The following POLG variants were observed in gnomAD, a reference collection of about 807,000 sequenced individuals.
POLG encodes the protein DNA polymerase gamma, catalytic subunit.
In POLG, 110 loss-of-function variants were observed where a neutral mutation model predicts 155.4. The observed-to-expected ratio is 0.71, with a 90% CI of 0.61 to 0.83. The LOEUF (loss-of-function observed/expected upper bound fraction) is 0.83, where lower values mean the gene tolerates loss of function less well. POLG is among the 40% of genes least tolerant of loss of function. The probability of loss-of-function intolerance (pLI) is 0.00; values close to 1 mark genes in which losing one functional copy is unlikely to be tolerated. For synonymous variants in POLG, 701 were observed against 631.5 expected (o/e 1.11, Z -1.65); for missense variants, 1,685 against 1,627.5 (o/e 1.04, Z -0.61).
chr15:89,323,260 A>AAACTGTC, intron 13 of POLG, 144 bp downstream of exon 13: 1 of 688,064 alleles, frequency 1.5e-6, no homozygotes, highest in Non-Finnish European at 2.7e-6. Context: ...GAGAGATGAC[A>AAACTGTC]GTATGTGCCT....
intron 6 of POLG, 134 bp from the exon 7 acceptor site, chr15:89,327,483 C>T: frequency 5.1e-6 from 4 of 778,046 alleles, no homozygotes; most frequent in Non-Finnish European, 8.7e-6. Context: ...CATTAAATCC[C>T]AGCTCTACTG....
At chr15:89,324,273 C>T (rs1393908135) in intron 10 of POLG, 46 bp from the exon 11 acceptor site, 2 of 1,603,878 alleles carry the variant, frequency 1.2e-6, no homozygotes, top group Non-Finnish European at 1.7e-6. Flanking sequence ...TACCAGATGC[C>T]CACTCTGGGC....
rs1057522857 is a variant in POLG at position 89,330,213 on chromosome 15, C to T, written c.723G>A (p.Pro241=). 4 of 1,613,588 alleles carry T rather than the reference C, an allele frequency of 2.5e-6. No individual in the cohort carries two copies. The highest frequency in any genetic ancestry group is 2.2e-5 in the East Asian group (1 of 44,886). ...GGACCTCCAGGGGGATGAGGTCAGC[C>T]GGCGACAGCTGGCTGGTCCAAGAGT... ...ERYSWTSQLS[P]ADLIPLEVPT... is the part of the protein sequence containing the mutation. The change falls in exon 3 of 23, where the codon CCG becomes CCA. Residue 241 remains proline (P), a synonymous_variant. Coordinates refer to ENST00000268124, the MANE Select transcript of POLG (RefSeq NM_002693.3).
Position 89,326,602 on chromosome 15 carries a change from C to T in POLG, c.1712+10G>A, listed in dbSNP as rs55962804. 6.6e-4 allele frequency: 1,065 copies of T among 1,613,092 alleles called. 6 individuals carry two copies. The East Asian group carries it at 0.021, about 32-fold the overall frequency. On this transcript the variant is annotated intron_variant, in intron 9 of 22. Transcript: ENST00000268124. Reference sequence around the variant, plus strand: ...CTCTAGATACACTGCTGGGGGTGGGCAGGGCTCACCCAGGGTGTCCAGGAA... The same window carrying T: ...CTCTAGATACACTGCTGGGGGTGGGTAGGGCTCACCCAGGGTGTCCAGGAA...
In POLG at chr15:89,327,156, G is replaced by T. The variant is rs2055533348; in HGVS notation, c.1433+11C>A. On this transcript the variant is annotated intron_variant, in intron 7 of 22. Transcript: ENST00000268124. Reference sequence around the variant, plus strand: ...CCCTGCCTAGATCCTGCCCACCCAAGGCCTGGCTACCTCTCTCCTGAGAGC... The same window carrying T: ...CCCTGCCTAGATCCTGCCCACCCAATGCCTGGCTACCTCTCTCCTGAGAGC... 2 of 1,614,086 alleles carry T rather than the reference G, an allele frequency of 1.2e-6. No individual in the cohort carries two copies. Among genetic ancestry groups the T allele is most frequent in the Non-Finnish European group, 1.7e-6 (2 of 1,180,034 alleles).
chr15:89,333,829 T>C lies in POLG; in HGVS notation c.-75A>G, dbSNP rs2055633672. The C allele has an allele frequency of 3.3e-6, 5 of 1,501,538 alleles. No homozygotes were observed. The South Asian group carries it at 4.8e-5, about 14-fold the overall frequency. 93.0% of individuals were successfully genotyped at this position (1,501,538 alleles called of 1,614,324 possible). On this transcript the variant is annotated 5_prime_UTR_variant, in exon 2 of 23. Coordinates refer to ENST00000268124, the MANE Select transcript of POLG (RefSeq NM_002693.3). Reference sequence around the variant, plus strand: ...CTCCAGCTTGGCTTCTTTTACTGGCTGGAAGACGTGGAGAGAGACACGTCC... The same window carrying C: ...CTCCAGCTTGGCTTCTTTTACTGGCCGGAAGACGTGGAGAGAGACACGTCC...
At position 89,325,678 on chromosome 15, in the gene POLG, C is replaced by T. The variant is rs764287987; in HGVS notation, c.1721G>A (p.Arg574Gln). The change falls in exon 10 of 23, where the codon CGG (arginine) becomes CAG (glutamine). Residue 574 changes from arginine (R) to glutamine (Q), a missense_variant. Arg to Gln is a conservative substitution (Grantham distance 43). Coordinates refer to ENST00000268124, the MANE Select transcript of POLG (RefSeq NM_002693.3). ...QHLPGHPGWY[R>Q]KLCPRLDDPA... ...GTCGTCTAGCCGGGGGCAGAGCTTCCGGTACCATCTACGTCCCAGCAGGAA... is the reference window on the plus strand; with the variant it reads ...GTCGTCTAGCCGGGGGCAGAGCTTCTGGTACCATCTACGTCCCAGCAGGAA... 3.7e-5 allele frequency: 60 copies of T among 1,606,282 alleles called. No individual in the cohort carries two copies. Among genetic ancestry groups the T allele is most frequent in the Middle Eastern group, 1.6e-4 (1 of 6,084 alleles).
Position 89,322,727 on chromosome 15 carries a change from C to T in POLG, c.2426+15G>A. 2 of 1,613,434 alleles carry T rather than the reference C, an allele frequency of 1.2e-6. No homozygotes were observed. The highest frequency in any genetic ancestry group is 1.7e-6 in the Non-Finnish European group (2 of 1,179,718). ...AGGGGAAAGGCATCCCAGGACTCCT[C>T]CCATGGTGGCCCACCTGATACGTTT... On this transcript the variant is annotated intron_variant, in intron 14 of 22. Transcript: ENST00000268124.
rs200399546 is a variant in POLG, at chr15:89,327,326, G to T, written c.1274C>A (p.Ala425Asp). The change falls in exon 7 of 23, where the codon GCC (alanine) becomes GAC (aspartate). Residue 425 changes from alanine (A) to aspartate (D), a missense_variant. Ala to Asp is a moderately radical substitution (Grantham distance 126). Transcript: ENST00000268124. The stretch of plus-strand genomic sequence containing the variant: ...GGAGACACCCATCTCCAGCATGCCG[G>T]CCAGAGTCACTGGGTGGGGACACCT... ...LERCPHPVTL[A>D]GMLEMGVSYL... 3.7e-6 allele frequency: 6 copies of T among 1,613,818 alleles called. No individual in the cohort carries two copies. The Admixed American group carries it at 1.0e-4, about 27-fold the overall frequency.
At position 89,333,491 on chromosome 15, in the gene POLG, G is replaced by C. The variant is rs144439703; in HGVS notation, c.264C>G (p.Phe88Leu). Residue 88 changes from phenylalanine (F) to leucine (L), a missense_variant, in exon 2 of 23, where the codon TTC (phenylalanine) becomes TTG (leucine). This residue lies in a region of POLG where 1,210 missense variants were observed against 1,167.1 expected (regional missense o/e 1.04). Coordinates refer to ENST00000268124, the MANE Select transcript of POLG (RefSeq NM_002693.3). Reference sequence around the variant, plus strand: ...CGCCAGGCATCTCCCCTCCTTGCCCGAAGATTTGCTCGTGCAGCCCTCTCG... The same window carrying C: ...CGCCAGGCATCTCCCCTCCTTGCCCCAAGATTTGCTCGTGCAGCCCTCTCG... ...MLSRGLHEQI[F>L]GQGGEMPGEA... 20 of 1,612,662 alleles carry C rather than the reference G, an allele frequency of 1.2e-5. No homozygotes were observed. In the Admixed American group the frequency reaches 1.7e-4, roughly 13 times the overall value.
rs768181578 is a variant in POLG, at chr15:89,325,167, TGA to T, written c.1949+281_1949+282del. ...GAGAGTGAGTGAGTGAGTGAGTGAGTGAGAGAGTGAGAGAGTGAGTGAGTGAG... is the reference window on the plus strand; with the variant it reads ...GAGAGTGAGTGAGTGAGTGAGTGAGTGAGAGTGAGAGAGTGAGTGAGTGAG... On this transcript the variant is annotated intron_variant, in intron 10 of 22. Coordinates refer to ENST00000268124, the MANE Select transcript of POLG (RefSeq NM_002693.3). Among the ~76,000 whole-genome samples the T allele has an allele frequency of 2.9e-3, 110 of 38,528 alleles. 13 individuals carry two copies. The highest frequency in any genetic ancestry group is 0.021 in the Middle Eastern group (1 of 48). The allele number at this position is 38,528 out of a possible 152,430, so 25.3% of individuals were successfully genotyped here. A position where few individuals can be genotyped will look rare whatever the true frequency, so the allele number is the denominator to read the frequency against.
chr15:89,325,140 G>A (rs1462752973), intron 10 of POLG, among the ~76,000 whole-genome samples: 4 of 66,130 alleles, frequency 6.0e-5, no homozygotes, highest in African/African-American at 1.2e-4. Flanking sequence ...GAGAGTGAGT[G>A]AGAGAGTGAG....
At chr15:89,334,601 C>T (rs2055647293) in intron 1 of POLG, 72 bp downstream of exon 1, 1 of 152,312 alleles carries the variant, frequency 6.6e-6, no homozygotes, top group African/African-American at 2.4e-5. Flanking sequence ...GGCCTCGCTC[C>T]CTGACTGGAG....
rs2055575768 is a variant in POLG at position 89,330,181 on chromosome 15, C to T, written c.755G>A (p.Gly252Asp). 6.2e-7 allele frequency: 1 copy of T among 1,613,722 alleles called. No individual in the cohort carries two copies. The change falls in exon 3 of 23, where the codon GGT becomes GAT. Residue 252 changes from glycine (G) to aspartate (D), a missense_variant. Gly to Asp is a moderately conservative substitution (Grantham distance 94). This residue lies in a region of POLG where 1,210 missense variants were observed against 1,167.1 expected (regional missense o/e 1.04). Coordinates refer to ENST00000268124, the MANE Select transcript of POLG (RefSeq NM_002693.3). ...GTCTCTCTGGGTGGGGCTGCTGGCA[C>T]CAGTAGGGACCTCCAGGGGGATGAG... ...ADLIPLEVPTGASSPTQRDWQ... is the reference protein window; with the variant it reads ...ADLIPLEVPTDASSPTQRDWQ...
At position 89,318,664 on chromosome 15, in the gene POLG, A is replaced by C; in HGVS notation, c.3359T>G (p.Phe1120Cys). 2 of 1,614,234 alleles carry C rather than the reference A, an allele frequency of 1.2e-6. No individual in the cohort carries two copies. The highest frequency in any genetic ancestry group is 1.7e-6 in the Non-Finnish European group (2 of 1,180,024). Residue 1120 changes from phenylalanine to cysteine, a missense_variant, in exon 21 of 23, where the codon TTT (phenylalanine) becomes TGT (cysteine). Coordinates refer to ENST00000268124, the MANE Select transcript of POLG (RefSeq NM_002693.3). ...GCGCCCATCTATGGCAAACTCTTCA[A>C]ACAGCCACTTCATGGCCACAAGCAT... is the stretch of plus-strand genomic sequence containing the variant. Reference protein sequence around the residue: ...HLMLVAMKWLFEEFAIDGRFC... With the variant: ...HLMLVAMKWLCEEFAIDGRFC...
At chr15:89,324,309 A>G in intron 10 of POLG, 82 bp from the exon 11 acceptor site, 3 of 1,513,030 alleles carry the variant, frequency 2.0e-6, no homozygotes, top group Non-Finnish European at 2.7e-6. Flanking sequence ...TGCCTTCCAC[A>G]ATTCCCTTTG....
At position 89,323,547 on chromosome 15, in the gene POLG, C is replaced by T. The variant is rs776223547; in HGVS notation, c.2158-36G>A. 19 of 1,339,426 alleles carry T rather than the reference C, an allele frequency of 1.4e-5. 1 individual carries two copies. The East Asian group carries it at 4.1e-4, about 29-fold the overall frequency. The allele number at this position is 1,339,426 out of a possible 1,614,324, so 83.0% of individuals were successfully genotyped here. A position where few individuals can be genotyped will look rare whatever the true frequency, so the allele number is the denominator to read the frequency against. ...CACACACCTATATCAGGCCCTGCTC[C>T]AGCACCTGCATTCAGCAAGGGCCAT... On this transcript the variant is annotated intron_variant, in intron 12 of 22. Transcript: ENST00000268124.
At chr15:89,326,546 A>G in intron 9 of POLG, 66 bp downstream of exon 9, 1 of 1,582,366 alleles carries the variant, frequency 6.3e-7, no homozygotes, top group Non-Finnish European at 8.6e-7. Flanking sequence ...AACCCAGACC[A>G]GGGCTGTCCT....
chr15:89,328,427 C>T lies in POLG; in HGVS notation c.1250+29G>A, dbSNP rs78405366. On this transcript the variant is annotated intron_variant, in intron 6 of 22. Transcript: ENST00000268124. ...CGGGTACCAGGAACACACTGACCCCCAGAGATTCCCACATGGGCTCCCCCT... is the reference window on the plus strand; with the variant it reads ...CGGGTACCAGGAACACACTGACCCCTAGAGATTCCCACATGGGCTCCCCCT... The T allele has an allele frequency of 5.1e-6, 8 of 1,581,704 alleles. No homozygotes were observed. The East Asian group carries it at 1.6e-4, about 31-fold the overall frequency.
Sources: allele counts gnomAD v4.1 joint callset (sites outside exome capture counted in the v4.1 genomes callset), GRCh38; gene constraint gnomAD v4.1.1; regional missense constraint gnomAD v4.1.1; transcripts MANE v1.5; gene names NCBI Gene and HGNC (gene_info 2026-07-23, HGNC 2026-07-21).